The following FGF12 variants were observed in gnomAD, a reference collection of about 807,000 sequenced individuals.
The protein encoded by FGF12 is fibroblast growth factor 12.
In FGF12, 14 loss-of-function variants were observed where a neutral mutation model predicts 23.6. The observed-to-expected ratio is 0.59, with a 90% CI of 0.39 to 0.93. FGF12 has a LOEUF of 0.93. FGF12 is among the 40% of genes least tolerant of loss of function. The pLI is 0.00. For missense variants in FGF12, 175 were observed against 217.8 expected (o/e 0.80, Z 1.24); for synonymous variants, 62 against 77.3 (o/e 0.80, Z 1.04).
rs149564733 is a variant in FGF12 at position 192,547,044 on chromosome 3, C to T, written c.13+180137G>A. 4.3e-3 allele frequency among the ~76,000 whole-genome samples: 647 copies of T among 152,144 alleles called. 5 individuals are homozygous for T. Among genetic ancestry groups the T allele is most frequent in the African/African-American group, 0.014 (589 of 41,510 alleles). On this transcript the variant is annotated intron_variant, in intron 2 of 5. Transcript: ENST00000445105. ...CCAGCCTGGGCAACAGAGTGAGACCCGGTCTCAAAAAAACAATAGTGGGGC... is the reference window on the plus strand; with the variant it reads ...CCAGCCTGGGCAACAGAGTGAGACCTGGTCTCAAAAAAACAATAGTGGGGC...
At chr3:192,189,495 C>A (rs1466920171) in intron 4 of FGF12, among the ~76,000 whole-genome samples, 1 of 152,070 alleles carries the variant, frequency 6.6e-6, no homozygotes, top group Non-Finnish European at 1.5e-5. Context: ...TTGTTGAAGC[C>A]CTATCCTCCC....
Position 192,139,999 on chromosome 3 carries a change from C to G in FGF12, c.*4010G>C, listed in dbSNP as rs1440922035. 6.6e-6 allele frequency: 1 copy of G among 151,864 alleles called. No homozygotes were observed. Among genetic ancestry groups the G allele is most frequent in the Non-Finnish European group, 1.5e-5 (1 of 67,896 alleles). 9.4% of individuals were successfully genotyped at this position (151,864 alleles called of 1,614,324 possible). On this transcript the variant is annotated 3_prime_UTR_variant, in exon 6 of 6. Coordinates refer to ENST00000445105, the MANE Select transcript of FGF12 (RefSeq NM_004113.6). The stretch of plus-strand genomic sequence containing the variant: ...CATCACAAGGGGGATTAAAAATCAC[C>G]AAAGTACTGAAGGAACACGTGCTTT...
chr3:192,339,960 C>A (rs1717616185), intron 3 of FGF12, among the ~76,000 whole-genome samples: 1 of 152,056 alleles, frequency 6.6e-6, no homozygotes, highest in South Asian at 2.1e-4. Context: ...AATGAAAGTT[C>A]TTTTTAAGAT....
At chr3:192,192,424 T>C (rs1716839206) in intron 4 of FGF12, among the ~76,000 whole-genome samples, 1 of 148,170 alleles carries the variant, frequency 6.7e-6, no homozygotes, top group African/African-American at 2.4e-5. Flanking sequence ...ATCATATATG[T>C]ACATATAATT....
intron 2 of FGF12, among the ~76,000 whole-genome samples, chr3:192,602,617 T>C (rs914789299): frequency 1.3e-5 from 2 of 151,804 alleles, no homozygotes; most frequent in Admixed American, 6.6e-5. Context: ...AAAGTTTCAA[T>C]AGATACTTGT....
chr3:192,497,278 G>A lies in FGF12; in HGVS notation c.14-136740C>T, dbSNP rs116594649. Among the ~76,000 whole-genome samples, 506 of 152,256 alleles carry A rather than the reference G, an allele frequency of 3.3e-3. 3 individuals are homozygous for A. Among genetic ancestry groups the A allele is most frequent in the African/African-American group, 0.012 (481 of 41,544 alleles). On this transcript the variant is annotated intron_variant, in intron 2 of 5. Transcript: ENST00000445105. ...GACTCTCTTTCTCTCAAATCCCGCT[G>A]TCAATCAATAGCAAATCTTGACAGT...
chr3:192,521,717 C>T (rs570653970), intron 2 of FGF12, among the ~76,000 whole-genome samples: 1 of 152,232 alleles, frequency 6.6e-6, no homozygotes, highest in South Asian at 2.1e-4. Context: ...CCCGCCTCCC[C>T]CAAAGCAGTC....
intron 2 of FGF12, among the ~76,000 whole-genome samples, chr3:192,676,104 A>T (rs1485510870): frequency 6.6e-6 from 1 of 152,212 alleles, no homozygotes; most frequent in Non-Finnish European, 1.5e-5. Context: ...CCAGAAGACC[A>T]TATGAGTATT....
chr3:192,252,683 A>G (rs2108608597), intron 4 of FGF12, among the ~76,000 whole-genome samples: 1 of 152,094 alleles, frequency 6.6e-6, no homozygotes, highest in East Asian at 1.9e-4. Flanking sequence ...TTCAAGTAAC[A>G]CAAGGATCAC....
chr3:192,456,932 C>G (rs1722699567), intron 2 of FGF12, among the ~76,000 whole-genome samples: 1 of 152,184 alleles, frequency 6.6e-6, no homozygotes, highest in Admixed American at 6.5e-5. Flanking sequence ...AATTATACTC[C>G]CATAATTCCC....
At chr3:192,416,777 T>G (rs1721371430) in intron 2 of FGF12, among the ~76,000 whole-genome samples, 1 of 152,126 alleles carries the variant, frequency 6.6e-6, no homozygotes, top group African/African-American at 2.4e-5. Flanking sequence ...TATTAGCCAC[T>G]AATCCAACCT....
Position 192,575,270 on chromosome 3 carries a change from G to T in FGF12, c.13+151911C>A, listed in dbSNP as rs150853093. Among the ~76,000 whole-genome samples the T allele has an allele frequency of 1.1e-3, 167 of 152,262 alleles. 1 individual carries two copies. Among genetic ancestry groups the T allele is most frequent in the East Asian group, 0.011 (55 of 5,180 alleles). On this transcript the variant is annotated intron_variant, in intron 2 of 5. Transcript: ENST00000445105. ...TGTTATATTCATTAATTTTATCATG[G>T]TAATAGTTTCATGTCAAAATTTGTC... is the stretch of plus-strand genomic sequence containing the variant.
At chr3:192,554,483 A>G (rs1711672576) in intron 2 of FGF12, among the ~76,000 whole-genome samples, 1 of 152,228 alleles carries the variant, frequency 6.6e-6, no homozygotes, top group East Asian at 1.9e-4. Context: ...TAATGAATTT[A>G]TATGCACAAG....
At chr3:192,633,273 T>C (rs1369531030) in intron 2 of FGF12, among the ~76,000 whole-genome samples, 1 of 152,148 alleles carries the variant, frequency 6.6e-6, no homozygotes, top group Admixed American at 6.5e-5. Context: ...TTTGAATTCC[T>C]GACCTCAAGT....
At chr3:192,636,348 G>A (rs1402670280) in intron 2 of FGF12, among the ~76,000 whole-genome samples, 1 of 152,166 alleles carries the variant, frequency 6.6e-6, no homozygotes, top group Non-Finnish European at 1.5e-5. Flanking sequence ...CACATTTTGA[G>A]GGTTCAAATG....
chr3:192,727,467 T>TA lies in FGF12; in HGVS notation c.-131+16_-131+17insT, dbSNP rs1181521863. The TA allele has an allele frequency of 8.8e-6, 7 of 796,962 alleles. No homozygotes were observed. The highest frequency in any genetic ancestry group is 1.3e-5 in the Non-Finnish European group (7 of 534,288). 49.4% of individuals were successfully genotyped at this position (796,962 alleles called of 1,614,324 possible). On this transcript the variant is annotated intron_variant, in intron 1 of 5. Transcript: ENST00000445105. Reference sequence around the variant, plus strand: ...CATGCACAGTGCCCGCTCAGATTTTTTTTTTTTTTTTTTTACCTGGGTCTG... The same window carrying TA: ...CATGCACAGTGCCCGCTCAGATTTTTATTTTTTTTTTTTTTACCTGGGTCTG...
chr3:192,591,042 G>A (rs966719595), intron 2 of FGF12, among the ~76,000 whole-genome samples: 1 of 150,984 alleles, frequency 6.6e-6, no homozygotes, highest in African/African-American at 2.4e-5. Flanking sequence ...GTCCAATCAG[G>A]TCACCTCTCT....
At chr3:192,711,130 C>G (rs1718652721) in intron 2 of FGF12, among the ~76,000 whole-genome samples, 2 of 152,214 alleles carry the variant, frequency 1.3e-5, no homozygotes, top group South Asian at 4.1e-4. Context: ...TTCGGGAAAT[C>G]TCTAACATGA....
At chr3:192,366,933 A>C (rs1053762218) in intron 2 of FGF12, among the ~76,000 whole-genome samples, 1 of 152,200 alleles carries the variant, frequency 6.6e-6, no homozygotes, top group Non-Finnish European at 1.5e-5. Context: ...TGCAGATTAA[A>C]AAGAACTTTC....
Sources: gnomAD v4.1 joint callset for allele counts (sites outside exome capture counted in the v4.1 genomes callset) on GRCh38, gnomAD v4.1.1 for gene constraint, MANE v1.5 for transcripts, NCBI Gene and HGNC (gene_info 2026-07-23, HGNC 2026-07-21) for gene names.